MRTFA: variants seen among roughly 807,000 people sequenced by gnomAD.
The protein encoded by MRTFA is myocardin-related transcription factor A.
Under a neutral mutation model 83.5 loss-of-function variants are expected in MRTFA, and 20 were observed. That is an observed-to-expected ratio of 0.24 (90% CI 0.17 to 0.35). MRTFA has a LOEUF of 0.35. MRTFA is among the 10% of genes least tolerant of loss of function. The pLI is 1.00. For missense variants in MRTFA, 1,200 were observed against 1,224.7 expected (o/e 0.98, Z 0.30); for synonymous variants, 659 against 541.2 (o/e 1.22, Z -3.02).
intron 1 of MRTFA, among the ~76,000 whole-genome samples, chr22:40,626,504 G>A: frequency 6.6e-6 from 1 of 151,986 alleles, no homozygotes; most frequent in Non-Finnish European, 1.5e-5. Flanking sequence ...TGTTATCTAG[G>A]CTGGTCTTGA....
chr22:40,530,741 C>T (rs1471740333), intron 3 of MRTFA, among the ~76,000 whole-genome samples: 1 of 152,268 alleles, frequency 6.6e-6, no homozygotes, highest in South Asian at 2.1e-4. Flanking sequence ...ACATACTGCA[C>T]ATTCTGAGAT....
chr22:40,455,925 C>A (rs1164450907), intron 4 of MRTFA, among the ~76,000 whole-genome samples: 1 of 151,970 alleles, frequency 6.6e-6, no homozygotes, highest in Non-Finnish European at 1.5e-5. Context: ...TCAAGCAATT[C>A]CCCCTGCTTC....
chr22:40,559,560 A>T (rs5758007), intron 2 of MRTFA, among the ~76,000 whole-genome samples: 81,779 of 151,790 alleles, frequency 0.54, 22,718 homozygotes, highest in East Asian at 0.88. Context: ...GTGTGTGCCA[A>T]CACACCTGAC....
At chr22:40,615,310 G>A in intron 1 of MRTFA, among the ~76,000 whole-genome samples, 1 of 152,198 alleles carries the variant, frequency 6.6e-6, no homozygotes, top group South Asian at 2.1e-4. Flanking sequence ...ATATATGTAT[G>A]TATCTATTTC....
chr22:40,619,278 A>G (rs1032911452), intron 1 of MRTFA, among the ~76,000 whole-genome samples: 3 of 151,372 alleles, frequency 2.0e-5, no homozygotes, highest in Non-Finnish European at 4.4e-5. Context: ...AAGTAGAGAA[A>G]ATCTGTGTTG....
intron 5 of MRTFA, among the ~76,000 whole-genome samples, chr22:40,434,582 C>T (rs192741513): frequency 6.6e-6 from 1 of 151,908 alleles, no homozygotes; most frequent in Admixed American, 6.6e-5. Context: ...ATTACCCAGG[C>T]GTGGTGGCGG....
At chr22:40,501,928 G>T (rs779030967) in intron 3 of MRTFA, among the ~76,000 whole-genome samples, 10,396 of 79,206 alleles carry the variant, frequency 0.13, 895 homozygotes, top group Admixed American at 0.29. Flanking sequence ...AGTAGGGGCG[G>T]CTGGGCAGAG....
rs375266752 is a variant in MRTFA, at chr22:40,588,175, C to T, written c.-22+6499G>A. Among the ~76,000 whole-genome samples the T allele has an allele frequency of 5.9e-4, 89 of 151,978 alleles. 2 individuals carry two copies. In the South Asian group the frequency reaches 0.017, roughly 29 times the overall value. On this transcript the variant is annotated intron_variant, in intron 2 of 14. Coordinates refer to ENST00000355630, the MANE Select transcript of MRTFA (RefSeq NM_020831.6). Reference sequence around the variant, plus strand: ...TCCTGAGTAGCTAGGATTACAGGCACGCGCCACCACGCCCAGATAATTTTT... The same window carrying T: ...TCCTGAGTAGCTAGGATTACAGGCATGCGCCACCACGCCCAGATAATTTTT...
At chr22:40,622,812 A>C (rs2056539706) in intron 1 of MRTFA, among the ~76,000 whole-genome samples, 1 of 152,008 alleles carries the variant, frequency 6.6e-6, no homozygotes, top group Non-Finnish European at 1.5e-5. Flanking sequence ...GTTGTAAGGC[A>C]CCAAGTATGT....
intron 1 of MRTFA, among the ~76,000 whole-genome samples, chr22:40,622,446 A>G (rs2056534346): frequency 6.8e-6 from 1 of 145,992 alleles, no homozygotes; most frequent in African/African-American, 2.5e-5. Flanking sequence ...GTGCCACTAC[A>G]CTCCAGCCTG....
At chr22:40,485,473 G>T (rs1001512043) in intron 3 of MRTFA, among the ~76,000 whole-genome samples, 1 of 152,144 alleles carries the variant, frequency 6.6e-6, no homozygotes, top group Non-Finnish European at 1.5e-5. Context: ...GTGAAGGCGG[G>T]AGGAGAGCCT....
intron 1 of MRTFA, among the ~76,000 whole-genome samples, chr22:40,623,719 A>G (rs1214066522): frequency 6.6e-6 from 1 of 152,204 alleles, no homozygotes; most frequent in Non-Finnish European, 1.5e-5. Context: ...ATTTTTGAGT[A>G]CTATGAAAAT....
At chr22:40,550,265 T>C (rs2055424991) in intron 3 of MRTFA, among the ~76,000 whole-genome samples, 1 of 152,102 alleles carries the variant, frequency 6.6e-6, no homozygotes, top group Non-Finnish European at 1.5e-5. Context: ...AGGGTTTTTT[T>C]GTTGGCAGAA....
chr22:40,596,837 T>C (rs577545405), intron 1 of MRTFA, among the ~76,000 whole-genome samples: 1 of 151,642 alleles, frequency 6.6e-6, no homozygotes, highest in South Asian at 2.1e-4. Context: ...TAGCTCGGAG[T>C]GGTGGTACAC....
rs2056367723 is a variant in MRTFA at position 40,610,024 on chromosome 22, G to A, written c.-83-15289C>T. The stretch of plus-strand genomic sequence containing the variant: ...ATTACACATACATGCAATTCCAAAT[G>A]TCTGTTTCTTTTTTTTCTCTTTTTT... On this transcript the variant is annotated intron_variant, in intron 1 of 14. Transcript: ENST00000355630. Among the ~76,000 whole-genome samples the A allele has an allele frequency of 2.7e-5, 4 of 148,178 alleles. No individual in the cohort carries two copies. In the South Asian group the frequency reaches 8.6e-4, roughly 32 times the overall value.
At chr22:40,474,000 T>C (rs889853584) in intron 3 of MRTFA, among the ~76,000 whole-genome samples, 2 of 152,176 alleles carry the variant, frequency 1.3e-5, no homozygotes, top group African/African-American at 4.8e-5. Context: ...AATATAAGGA[T>C]TGGGAATCAG....
At chr22:40,482,015 G>A (rs1015175596) in intron 3 of MRTFA, among the ~76,000 whole-genome samples, 2 of 149,652 alleles carry the variant, frequency 1.3e-5, no homozygotes, top group African/African-American at 5.0e-5. Context: ...AGCCGAGATC[G>A]CACCACTGCA....
At chr22:40,616,242 T>C (rs2056448193) in intron 1 of MRTFA, among the ~76,000 whole-genome samples, 1 of 152,200 alleles carries the variant, frequency 6.6e-6, no homozygotes, top group African/African-American at 2.4e-5. Flanking sequence ...TACTCTTCAA[T>C]TTGCCACAGT....
chr22:40,414,271 A>T (rs543394538), intron 14 of MRTFA, among the ~76,000 whole-genome samples: 21 of 152,210 alleles, frequency 1.4e-4, no homozygotes, highest in Admixed American at 1.2e-3. Context: ...TGAACCCCAG[A>T]GGCAGAGGTT....
Sources: gnomAD v4.1 joint callset for allele counts (sites outside exome capture counted in the v4.1 genomes callset) on GRCh38, gnomAD v4.1.1 for gene constraint, MANE v1.5 for transcripts, NCBI Gene and HGNC (gene_info 2026-07-23, HGNC 2026-07-21) for gene names.